Variants in SLC27A2 observed in about 807,000 individuals in gnomAD.
SLC27A2 encodes long-chain fatty acid transport protein 2.
Under a neutral mutation model 60.0 loss-of-function variants are expected in SLC27A2, and 54 were observed. The observed-to-expected ratio is 0.90, with a 90% CI of 0.72 to 1.13. The LOEUF (loss-of-function observed/expected upper bound fraction) is 1.13, where lower values mean the gene tolerates loss of function less well. Among genes scored for constraint, SLC27A2 ranks in the 50% most tolerant of loss-of-function variants. SLC27A2 has a pLI of 0.00. For synonymous variants in SLC27A2, 297 were observed against 297.6 expected (o/e 1.00, Z 0.02); for missense variants, 739 against 777.6 (o/e 0.95, Z 0.59).
chr15:50,224,381 A>G lies in SLC27A2; in HGVS notation c.1167+1222A>G, dbSNP rs560956632. Among the ~76,000 whole-genome samples the G allele has an allele frequency of 2.9e-3, 435 of 152,320 alleles. 1 individual carries two copies. Among genetic ancestry groups the G allele is most frequent in the African/African-American group, 0.01 (418 of 41,568 alleles). Reference sequence around the variant, plus strand: ...CGTGAACCCGGGAGGCGGAGCTTGCAGTGAGTCGAGATCGCGCCACTGCAC... The same window carrying G: ...CGTGAACCCGGGAGGCGGAGCTTGCGGTGAGTCGAGATCGCGCCACTGCAC... On this transcript the variant is annotated intron_variant, in intron 5 of 9. Coordinates refer to ENST00000267842, the MANE Select transcript of SLC27A2 (RefSeq NM_003645.4).
chr15:50,197,262 C>A (rs939300135), intron 1 of SLC27A2, among the ~76,000 whole-genome samples: 2 of 151,964 alleles, frequency 1.3e-5, no homozygotes, highest in Admixed American at 6.6e-5. Flanking sequence ...CTTTGGGAGG[C>A]CAAAATGGGA....
chr15:50,187,396 T>C (rs1480463229), intron 1 of SLC27A2, among the ~76,000 whole-genome samples: 5 of 152,228 alleles, frequency 3.3e-5, no homozygotes, highest in African/African-American at 1.2e-4. Flanking sequence ...CAGTAAAACA[T>C]ATTTTATTTC....
chr15:50,200,758 C>CA (rs148429262), intron 2 of SLC27A2, among the ~76,000 whole-genome samples: 11,332 of 152,186 alleles, frequency 0.074, 466 homozygotes, highest in South Asian at 0.12. Flanking sequence ...GAAAATCTTA[C>CA]AAAAAACGTA....
intron 4 of SLC27A2, among the ~76,000 whole-genome samples, chr15:50,210,764 CCA>C (rs2045148323): frequency 6.6e-6 from 1 of 152,192 alleles, no homozygotes; most frequent in South Asian, 2.1e-4. Context: ...GACTCGCCCT[CCA>C]CCTGGAAACA....
intron 1 of SLC27A2, among the ~76,000 whole-genome samples, chr15:50,185,954 G>A (rs1201201071): frequency 6.6e-6 from 1 of 151,834 alleles, no homozygotes; most frequent in Non-Finnish European, 1.5e-5. Flanking sequence ...AAAACATTCT[G>A]AGGCTGGACA....
At position 50,182,377 on chromosome 15, in the gene SLC27A2, G is replaced by A; in HGVS notation, c.-51G>A. 1 of 1,469,906 alleles carries A rather than the reference G, an allele frequency of 6.8e-7. No individual in the cohort carries two copies. The highest frequency in any genetic ancestry group is 9.0e-7 in the Non-Finnish European group (1 of 1,112,520). The allele number at this position is 1,469,906 out of a possible 1,614,324, so 91.1% of individuals were successfully genotyped here. A position where few individuals can be genotyped will look rare whatever the true frequency, so the allele number is the denominator to read the frequency against. Reference sequence around the variant, plus strand: ...AGCCCGCCCAGTCGCCGCGCTGCACGCCCGGGGTGAACCCTCTGCCCTCGC... The same window carrying A: ...AGCCCGCCCAGTCGCCGCGCTGCACACCCGGGGTGAACCCTCTGCCCTCGC... On this transcript the variant is annotated 5_prime_UTR_variant, in exon 1 of 10. Coordinates refer to ENST00000267842, the MANE Select transcript of SLC27A2 (RefSeq NM_003645.4).
At chr15:50,188,707 C>T (rs1334156391) in intron 1 of SLC27A2, among the ~76,000 whole-genome samples, 9 of 152,194 alleles carry the variant, frequency 5.9e-5, no homozygotes, top group African/African-American at 2.2e-4. Flanking sequence ...TGCCTGTAAT[C>T]CCAACACTTT....
chr15:50,223,225 C>G (rs2045256548), intron 5 of SLC27A2, 66 bp downstream of exon 5: 1 of 1,189,378 alleles, frequency 8.4e-7, no homozygotes, highest in South Asian at 1.5e-5. Flanking sequence ...TCTTAAAAGC[C>G]AAGTCATGAT....
chr15:50,211,180 C>T (rs2114448), intron 4 of SLC27A2, among the ~76,000 whole-genome samples: 25,055 of 152,200 alleles, frequency 0.16, 2,340 homozygotes, highest in South Asian at 0.25. Context: ...AGGCCAACAG[C>T]ACAAAACAGG....
chr15:50,218,697 GTAAAAA>G (rs1368057985), intron 4 of SLC27A2, among the ~76,000 whole-genome samples: 1 of 151,862 alleles, frequency 6.6e-6, no homozygotes, highest in African/African-American at 2.4e-5. Flanking sequence ...CAAAAAAATA[GTAAAAA>G]TAAAATTAAA....
chr15:50,192,342 C>T (rs960674190), intron 1 of SLC27A2, among the ~76,000 whole-genome samples: 5 of 152,108 alleles, frequency 3.3e-5, no homozygotes, highest in Non-Finnish European at 5.9e-5. Context: ...AGGGCAGGGG[C>T]AATGGCCCTC....
At chr15:50,195,325 A>AAC (rs1378188852) in intron 1 of SLC27A2, among the ~76,000 whole-genome samples, 2 of 149,674 alleles carry the variant, frequency 1.3e-5, no homozygotes, top group African/African-American at 5.0e-5. Flanking sequence ...AAAAAAAAAA[A>AAC]AACAAAAACA....
At chr15:50,218,088 C>T (rs893703215) in intron 4 of SLC27A2, among the ~76,000 whole-genome samples, 27 of 129,358 alleles carry the variant, frequency 2.1e-4, no homozygotes, top group African/African-American at 5.5e-4. Flanking sequence ...AAAAAAAAAC[C>T]GGGAGAAATG....
intron 7 of SLC27A2, among the ~76,000 whole-genome samples, chr15:50,228,185 C>G (rs986493057): frequency 6.6e-6 from 1 of 151,992 alleles, no homozygotes; most frequent in Non-Finnish European, 1.5e-5. Flanking sequence ...CCAGACCAGC[C>G]TGGCCAACAA....
Position 50,236,184 on chromosome 15 carries a change from T to G in SLC27A2, c.*88T>G, listed in dbSNP as rs2140917640. 1.7e-6 allele frequency: 2 copies of G among 1,211,316 alleles called. No individual in the cohort carries two copies. Among genetic ancestry groups the G allele is most frequent in the Non-Finnish European group, 2.3e-6 (2 of 887,800 alleles). 75.0% of individuals were successfully genotyped at this position (1,211,316 alleles called of 1,614,324 possible). A position where few individuals can be genotyped will look rare whatever the true frequency, so the allele number is the denominator to read the frequency against. Reference sequence around the variant, plus strand: ...AATCCAACTTTAATTTGATTGAAGATTGTGAGGAAATTTTGTAGGAAATTT... The same window carrying G: ...AATCCAACTTTAATTTGATTGAAGAGTGTGAGGAAATTTTGTAGGAAATTT... On this transcript the variant is annotated 3_prime_UTR_variant, in exon 10 of 10. Coordinates refer to ENST00000267842, the MANE Select transcript of SLC27A2 (RefSeq NM_003645.4).
chr15:50,182,413 G>A lies in SLC27A2; in HGVS notation c.-15G>A. On this transcript the variant is annotated 5_prime_UTR_variant, in exon 1 of 10. Transcript: ENST00000267842. ...ACCCTCTGCCCTCGCTGGGACAGAG[G>A]GCCCCGCAGCCGTCATGCTTTCCGC... The A allele has an allele frequency of 6.3e-7, 1 of 1,578,772 alleles. No homozygotes were observed. Among genetic ancestry groups the A allele is most frequent in the East Asian group, 2.3e-5 (1 of 43,744 alleles).
At chr15:50,234,991 T>C (rs919856879) in intron 9 of SLC27A2, among the ~76,000 whole-genome samples, 16 of 149,342 alleles carry the variant, frequency 1.1e-4, no homozygotes, top group African/African-American at 2.4e-4. Flanking sequence ...TGAAATTTAA[T>C]TGGACATTAG....
intron 9 of SLC27A2, among the ~76,000 whole-genome samples, chr15:50,234,664 C>A (rs930516283): frequency 6.6e-6 from 1 of 151,304 alleles, no homozygotes; most frequent in Non-Finnish European, 1.5e-5. Flanking sequence ...GAGGCTGAGG[C>A]AGGAGGATTA....
intron 8 of SLC27A2, among the ~76,000 whole-genome samples, chr15:50,231,925 C>A (rs2045319249): frequency 6.6e-6 from 1 of 152,190 alleles, no homozygotes; most frequent in Non-Finnish European, 1.5e-5. Context: ...ATAGGAAATG[C>A]CCCCACCAAC....
Sources: gnomAD v4.1 joint callset for allele counts (sites outside exome capture counted in the v4.1 genomes callset) on GRCh38, gnomAD v4.1.1 for gene constraint, MANE v1.5 for transcripts, NCBI Gene and HGNC (gene_info 2026-07-23, HGNC 2026-07-21) for gene names.